Variants in ASIC2 observed in about 807,000 individuals in gnomAD.
ASIC2 encodes the protein acid sensing ion channel subunit 2.
A neutral mutation model predicts 57.3 loss-of-function variants in ASIC2; 25 were observed. The observed-to-expected ratio is 0.44, with a 90% CI of 0.32 to 0.61. The LOEUF (loss-of-function observed/expected upper bound fraction) is 0.61, where lower values mean the gene tolerates loss of function less well. ASIC2 is among the 20% of genes least tolerant of loss of function. The probability of loss-of-function intolerance (pLI) is 0.06; values close to 1 mark genes in which losing one functional copy is unlikely to be tolerated. For missense variants in ASIC2, 641 were observed against 738.1 expected (o/e 0.87, Z 1.52); for synonymous variants, 319 against 307.5 (o/e 1.04, Z -0.39).
At chr17:33,917,202 G>A (rs1326474417) in intron 1 of ASIC2, among the ~76,000 whole-genome samples, 1 of 151,848 alleles carries the variant, frequency 6.6e-6, no homozygotes, top group African/African-American at 2.4e-5. Flanking sequence ...CCTATTTTGA[G>A]TCTCCCTCCT....
rs1016488116 is a variant in ASIC2, at chr17:33,710,900, G to A, written c.555+445078C>T. Among the ~76,000 whole-genome samples the A allele has an allele frequency of 3.3e-5, 5 of 152,130 alleles. No individual in the cohort carries two copies. The East Asian group carries it at 7.7e-4, about 23-fold the overall frequency. ...GTTATAAATAAGATGACGCTATTTT[G>A]TTAAAAAGCAGTAGTTTGAGTGGGG... On this transcript the variant is annotated intron_variant, in intron 1 of 9. Transcript: ENST00000359872.
At chr17:33,988,024 C>G (rs1357320264) in intron 1 of ASIC2, among the ~76,000 whole-genome samples, 1 of 152,106 alleles carries the variant, frequency 6.6e-6, no homozygotes, top group African/African-American at 2.4e-5. Context: ...AGAAAACTTC[C>G]TGGAAGAAGT....
intron 1 of ASIC2, among the ~76,000 whole-genome samples, chr17:33,320,742 T>C (rs1906837111): frequency 6.6e-6 from 1 of 152,176 alleles, no homozygotes; most frequent in Non-Finnish European, 1.5e-5. Context: ...TCTCCTTGCT[T>C]TTCCTGGAAA....
At chr17:34,037,948 C>A (rs1907955160) in intron 1 of ASIC2, 9 of 1,613,682 alleles carry the variant, frequency 5.6e-6, no homozygotes, top group Non-Finnish European at 7.6e-6. Flanking sequence ...CCACCGACCA[C>A]ACATCAACTT....
intron 1 of ASIC2, among the ~76,000 whole-genome samples, chr17:33,481,180 C>T (rs987015216): frequency 6.6e-6 from 1 of 152,174 alleles, no homozygotes; most frequent in Non-Finnish European, 1.5e-5. Context: ...GCAGGTGTGT[C>T]CCTTTGTGAA....
At chr17:34,053,719 G>A (rs1430829447) in intron 1 of ASIC2, among the ~76,000 whole-genome samples, 1 of 152,176 alleles carries the variant, frequency 6.6e-6, no homozygotes, top group Non-Finnish European at 1.5e-5. Flanking sequence ...GCATAGAGGT[G>A]GAAAAACTGG....
intron 1 of ASIC2, among the ~76,000 whole-genome samples, chr17:33,892,217 T>C (rs11867369): frequency 0.089 from 13,566 of 152,180 alleles, 646 homozygotes; most frequent in Admixed American, 0.13. Context: ...TTTCACAGAA[T>C]GGTGAGATCT....
rs563654245 is a variant in ASIC2, at chr17:33,539,693, G to A, written c.556-427626C>T. Among the ~76,000 whole-genome samples, 4 of 152,292 alleles carry A rather than the reference G, an allele frequency of 2.6e-5. No homozygotes were observed. The East Asian group carries it at 7.7e-4, about 29-fold the overall frequency. On this transcript the variant is annotated intron_variant, in intron 1 of 9. Transcript: ENST00000359872. ...ATTGCTCTCTCATTTGATTCTCATA[G>A]GAAGCTCAGCTCAATCCTTGACTAG...
In ASIC2 at chr17:33,323,107, G is replaced by A. The variant is rs947738844; in HGVS notation, c.556-211040C>T. The stretch of plus-strand genomic sequence containing the variant: ...GGTAGGAGTGCAAATTAGTACAACT[G>A]TTTTGGAAAACTGGCAGTATTTGCT... On this transcript the variant is annotated intron_variant, in intron 1 of 9. Coordinates refer to the ASIC2 transcript ENST00000359872. Among the ~76,000 whole-genome samples, 9 of 152,146 alleles carry A rather than the reference G, an allele frequency of 5.9e-5. No homozygotes were observed. In the South Asian group the frequency reaches 8.3e-4, roughly 14 times the overall value.
intron 1 of ASIC2, among the ~76,000 whole-genome samples, chr17:34,120,532 G>A (rs1025570088): frequency 6.6e-5 from 10 of 151,734 alleles, no homozygotes; most frequent in African/African-American, 2.2e-4. Context: ...ATTTCAGGGG[G>A]TAGGGGAGAA....
chr17:34,012,885 GT>G (rs1368071437), intron 1 of ASIC2, among the ~76,000 whole-genome samples: 2 of 152,146 alleles, frequency 1.3e-5, no homozygotes, highest in African/African-American at 4.8e-5. Flanking sequence ...GCTAGTGTGG[GT>G]TCCTGGTGAC....
chr17:33,869,773 A>G (rs1914340724), intron 1 of ASIC2, among the ~76,000 whole-genome samples: 2 of 152,350 alleles, frequency 1.3e-5, no homozygotes, highest in East Asian at 1.9e-4. Context: ...GACTGCTAAT[A>G]AATTCCTTTT....
chr17:34,058,454 G>C (rs1217253294), intron 1 of ASIC2, among the ~76,000 whole-genome samples: 1 of 152,104 alleles, frequency 6.6e-6, no homozygotes, highest in Non-Finnish European at 1.5e-5. Flanking sequence ...CTCATTCCCA[G>C]GATTACCCAC....
intron 1 of ASIC2, among the ~76,000 whole-genome samples, chr17:34,033,251 C>A (rs1309216429): frequency 6.6e-6 from 1 of 152,200 alleles, no homozygotes; most frequent in African/African-American, 2.4e-5. Flanking sequence ...GAACAACCTT[C>A]TCCTGAATGA....
At chr17:33,418,367 TA>T (rs59695710) in intron 1 of ASIC2, among the ~76,000 whole-genome samples, 1,558 of 150,644 alleles carry the variant, frequency 0.01, 20 homozygotes, top group African/African-American at 0.034. Context: ...TGCTCCCTGT[TA>T]AAAAAAAAAT....
intron 1 of ASIC2, among the ~76,000 whole-genome samples, chr17:33,166,749 G>A (rs1307484486): frequency 2.0e-5 from 3 of 152,194 alleles, no homozygotes; most frequent in East Asian, 3.9e-4. Context: ...ACAGAATCCC[G>A]CTCCCACTGC....
chr17:33,087,002 G>A lies in ASIC2; in HGVS notation c.987+1861C>T, dbSNP rs546442186. ...GGCCCTCTCTATGAATTGGGGTTGA[G>A]TTCAGTTCATGCTGCACCCTCTTCC... is the stretch of plus-strand genomic sequence containing the variant. On this transcript the variant is annotated intron_variant, in intron 3 of 9. Transcript: ENST00000225823. Among the ~76,000 whole-genome samples, 120 of 152,218 alleles carry A rather than the reference G, an allele frequency of 7.9e-4. 2 individuals carry two copies. The highest frequency in any genetic ancestry group is 5.8e-4 in the East Asian group (3 of 5,176).
At chr17:33,093,065 A>G (rs1382440710) in intron 2 of ASIC2, among the ~76,000 whole-genome samples, 1 of 152,206 alleles carries the variant, frequency 6.6e-6, no homozygotes, top group Non-Finnish European at 1.5e-5. Flanking sequence ...ACACGGCAAC[A>G]ATAACAGTAA....
intron 1 of ASIC2, among the ~76,000 whole-genome samples, chr17:33,416,306 C>A (rs1910838531): frequency 2.0e-5 from 3 of 152,220 alleles, no homozygotes; most frequent in Admixed American, 6.5e-5. Flanking sequence ...CCTCACTGAA[C>A]AAATTGACCA....
Sources: gnomAD v4.1 joint callset for allele counts (sites outside exome capture counted in the v4.1 genomes callset) on GRCh38, gnomAD v4.1.1 for gene constraint, MANE v1.5 for transcripts, NCBI Gene and HGNC (gene_info 2026-07-23, HGNC 2026-07-21) for gene names.